SDK1: variants seen among roughly 807,000 people sequenced by gnomAD.
SDK1 encodes sidekick cell adhesion molecule 1, also known as protein sidekick-1.
A neutral mutation model predicts 245.5 loss-of-function variants in SDK1; 157 were observed. That is an observed-to-expected ratio of 0.64 (90% CI 0.56 to 0.73). The LOEUF (loss-of-function observed/expected upper bound fraction) is 0.73. SDK1 is among the 30% of genes least tolerant of loss of function. The probability of loss-of-function intolerance (pLI) is 0.00; values close to 1 mark genes in which losing one functional copy is unlikely to be tolerated. For missense variants in SDK1, 3,583 were observed against 3,002.3 expected (o/e 1.19, Z -4.52); for synonymous variants, 1,647 against 1,278.5 (o/e 1.29, Z -6.15).
At chr7:3,406,870 A>C (rs749089068) in intron 1 of SDK1, among the ~76,000 whole-genome samples, 3 of 152,216 alleles carry the variant, frequency 2.0e-5, no homozygotes, top group Non-Finnish European at 4.4e-5. Flanking sequence ...ATTTTATAAG[A>C]TAAATGTGAA....
At chr7:4,224,686 C>G (rs1472448365) in intron 40 of SDK1, among the ~76,000 whole-genome samples, 2 of 152,062 alleles carry the variant, frequency 1.3e-5, no homozygotes, top group African/African-American at 4.8e-5. Flanking sequence ...CAGATCGCCA[C>G]AGGGACCCAT....
intron 2 of SDK1, among the ~76,000 whole-genome samples, chr7:3,624,224 G>T (rs186570029): frequency 9.2e-5 from 14 of 152,196 alleles, no homozygotes; most frequent in East Asian, 1.9e-4. Context: ...GCTGAGATAG[G>T]GTCTCACTCT....
intron 23 of SDK1, among the ~76,000 whole-genome samples, chr7:4,112,830 T>G (rs555979572): frequency 6.6e-6 from 1 of 152,156 alleles, no homozygotes; most frequent in Admixed American, 6.5e-5. Flanking sequence ...TCTCAGCTCA[T>G]GCAACCTCTG....
chr7:3,919,422 G>A (rs1583564363), intron 5 of SDK1, among the ~76,000 whole-genome samples: 1 of 152,218 alleles, frequency 6.6e-6, no homozygotes, highest in South Asian at 2.1e-4. Flanking sequence ...AAAGTTGTGT[G>A]TCCTGCCCTA....
At chr7:3,730,103 C>T (rs2115039656) in intron 4 of SDK1, among the ~76,000 whole-genome samples, 1 of 152,224 alleles carries the variant, frequency 6.6e-6, no homozygotes, top group East Asian at 1.9e-4. Context: ...TATTTGTCCT[C>T]ATAGAGAAAA....
intron 1 of SDK1, among the ~76,000 whole-genome samples, chr7:3,555,027 C>T (rs10236989): frequency 0.25 from 37,815 of 151,994 alleles, 4,915 homozygotes; most frequent in East Asian, 0.36. Flanking sequence ...TCTATAGATT[C>T]AATGCAATCC....
intron 3 of SDK1, among the ~76,000 whole-genome samples, chr7:3,639,352 G>C (rs1301693632): frequency 6.6e-6 from 1 of 152,164 alleles, no homozygotes; most frequent in Non-Finnish European, 1.5e-5. Flanking sequence ...AAGAGGCCCT[G>C]GGGAGGACGA....
Position 4,000,211 on chromosome 7 carries a change from C to T in SDK1, c.2132-10755C>T, listed in dbSNP as rs556389530. ...GAGGAAACCGGTCTGGGAAGAGCAT[C>T]TGTGAGCTTGACTAGAGCATGCTGA... On this transcript the variant is annotated intron_variant, in intron 14 of 44. Coordinates refer to ENST00000404826, the MANE Select transcript of SDK1 (RefSeq NM_152744.4). Among the ~76,000 whole-genome samples the T allele has an allele frequency of 8.3e-4, 127 of 152,336 alleles. 1 individual carries two copies. The highest frequency in any genetic ancestry group is 3.0e-3 in the African/African-American group (126 of 41,572).
intron 1 of SDK1, among the ~76,000 whole-genome samples, chr7:3,577,705 C>T (rs1191094944): frequency 6.6e-6 from 1 of 152,046 alleles, no homozygotes; most frequent in Non-Finnish European, 1.5e-5. Flanking sequence ...GAGAACTGAG[C>T]CCTTGAAGTG....
At chr7:3,577,007 A>G (rs1043914514) in intron 1 of SDK1, among the ~76,000 whole-genome samples, 4 of 151,822 alleles carry the variant, frequency 2.6e-5, no homozygotes, top group African/African-American at 9.7e-5. Context: ...ATCATTTTTC[A>G]TCGATGCCCT....
Position 3,843,853 on chromosome 7 carries a change from C to A in SDK1, c.847+22270C>A, listed in dbSNP as rs185276040. Among the ~76,000 whole-genome samples, 30 of 152,102 alleles carry A rather than the reference C, an allele frequency of 2.0e-4. No individual in the cohort carries two copies. In the South Asian group the frequency reaches 4.6e-3, roughly 23 times the overall value. On this transcript the variant is annotated intron_variant, in intron 5 of 44. Coordinates refer to ENST00000404826, the MANE Select transcript of SDK1 (RefSeq NM_152744.4). ...TGAGCACAACAAAATGAAATAAAAT[C>A]TTATAAAATAGATATATGAAGATGT...
intron 4 of SDK1, among the ~76,000 whole-genome samples, chr7:3,783,262 C>T (rs1314041912): frequency 1.3e-5 from 2 of 152,164 alleles, no homozygotes; most frequent in African/African-American, 4.8e-5. Flanking sequence ...TAAAATTATA[C>T]TCAGTGGTGA....
At chr7:3,561,984 G>GA (rs941254711) in intron 1 of SDK1, among the ~76,000 whole-genome samples, 1 of 152,158 alleles carries the variant, frequency 6.6e-6, no homozygotes, top group Non-Finnish European at 1.5e-5. Context: ...ATGCTGGTGG[G>GA]AAAAAATATA....
chr7:4,083,708 T>TGCTC (rs369322108), intron 22 of SDK1, among the ~76,000 whole-genome samples: 17 of 33,968 alleles, frequency 5.0e-4, no homozygotes, highest in Non-Finnish European at 1.3e-3. Flanking sequence ...CTCCTTTACT[T>TGCTC]CCTCCCTCCC....
At chr7:3,480,429 G>C (rs1019771919) in intron 1 of SDK1, among the ~76,000 whole-genome samples, 1 of 151,174 alleles carries the variant, frequency 6.6e-6, no homozygotes, top group African/African-American at 2.4e-5. Context: ...CGCTCATGTA[G>C]GAACTACTGG....
intron 1 of SDK1, among the ~76,000 whole-genome samples, chr7:3,533,055 T>C (rs1783402956): frequency 6.6e-6 from 1 of 152,170 alleles, no homozygotes; most frequent in African/African-American, 2.4e-5. Context: ...AATTATTCTA[T>C]CAAATTATAC....
chr7:3,979,365 G>C (rs1783217669), intron 13 of SDK1, among the ~76,000 whole-genome samples: 1 of 152,106 alleles, frequency 6.6e-6, no homozygotes, highest in African/African-American at 2.4e-5. Flanking sequence ...CTGCCTCCTG[G>C]GGCTGGGAAC....
At chr7:4,223,288 T>C (rs1229609398) in intron 40 of SDK1, among the ~76,000 whole-genome samples, 2 of 152,226 alleles carry the variant, frequency 1.3e-5, no homozygotes, top group South Asian at 2.1e-4. Context: ...AACTAGAATT[T>C]GGCATTTCCT....
intron 1 of SDK1, among the ~76,000 whole-genome samples, chr7:3,560,995 A>AT (rs978127396): frequency 2.6e-5 from 4 of 151,664 alleles, no homozygotes; most frequent in African/African-American, 9.7e-5. Context: ...CCTTTCTCAC[A>AT]TTTTTTTTCT....
Sources: allele counts gnomAD v4.1 joint callset (sites outside exome capture counted in the v4.1 genomes callset), GRCh38; gene constraint gnomAD v4.1.1; transcripts MANE v1.5; gene names NCBI Gene and HGNC (gene_info 2026-07-23, HGNC 2026-07-21).